Variants in ERC1 observed in about 807,000 individuals in gnomAD.
ERC1 encodes the protein RAB6 interacting protein 2.
Under a neutral mutation model 132.0 loss-of-function variants are expected in ERC1, and 56 were observed. The observed-to-expected ratio is 0.42, with a 90% CI of 0.34 to 0.53. The LOEUF is 0.53. Ranked by LOEUF, ERC1 falls within the 20% of genes least tolerant of loss-of-function variation. The pLI, the probability that ERC1 is intolerant of heterozygous loss-of-function variation, is 0.03. For missense variants in ERC1, 1,202 were observed against 1,349.9 expected (o/e 0.89, Z 1.72); for synonymous variants, 478 against 476.1 (o/e 1.00, Z -0.05).
intron 18 of ERC1, among the ~76,000 whole-genome samples, chr12:1,469,296 C>A (rs778379501): frequency 6.6e-6 from 1 of 152,210 alleles, no homozygotes; most frequent in Non-Finnish European, 1.5e-5. Flanking sequence ...GCATTGGGAT[C>A]GTTGGAAAGT....
At chr12:1,282,320 A>G (rs1594759422) in intron 14 of ERC1, among the ~76,000 whole-genome samples, 2 of 152,198 alleles carry the variant, frequency 1.3e-5, no homozygotes, top group Non-Finnish European at 2.9e-5. Flanking sequence ...TTCTTTTGCC[A>G]TAAAAATGAG....
At chr12:1,417,435 C>CTT (rs748237380) in intron 17 of ERC1, among the ~76,000 whole-genome samples, 3 of 145,076 alleles carry the variant, frequency 2.1e-5, no homozygotes, top group African/African-American at 7.5e-5. Flanking sequence ...ACTGCTGCTG[C>CTT]TTTTTTTTTT....
chr12:1,399,389 A>G (rs955427176), intron 16 of ERC1, among the ~76,000 whole-genome samples: 1 of 152,222 alleles, frequency 6.6e-6, no homozygotes, highest in Non-Finnish European at 1.5e-5. Flanking sequence ...CATATTGTTT[A>G]GTAAATCACA....
At chr12:1,447,759 C>T (rs934511654) in intron 18 of ERC1, among the ~76,000 whole-genome samples, 77 of 152,106 alleles carry the variant, frequency 5.1e-4, no homozygotes, top group African/African-American at 1.8e-3. Flanking sequence ...AAGCAATTCT[C>T]GTGCCTCAGC....
chr12:1,144,629 T>C (rs1305545277), intron 8 of ERC1, among the ~76,000 whole-genome samples: 2 of 149,640 alleles, frequency 1.3e-5, no homozygotes, highest in Non-Finnish European at 3.0e-5. Flanking sequence ...TATATATATA[T>C]ATATACGTGT....
chr12:1,220,320 G>C (rs1404639149), intron 12 of ERC1, among the ~76,000 whole-genome samples: 1 of 152,076 alleles, frequency 6.6e-6, no homozygotes, highest in Non-Finnish European at 1.5e-5. Flanking sequence ...GTTGAGGGTG[G>C]GGACATTGTA....
At chr12:1,417,848 A>G (rs187793158) in intron 17 of ERC1, among the ~76,000 whole-genome samples, 1 of 152,314 alleles carries the variant, frequency 6.6e-6, no homozygotes, top group Admixed American at 6.5e-5. Flanking sequence ...AATAAAGAGT[A>G]AATGATGGAT....
At chr12:1,255,008 T>C (rs190232305) in intron 13 of ERC1, among the ~76,000 whole-genome samples, 1 of 151,940 alleles carries the variant, frequency 6.6e-6, no homozygotes, top group East Asian at 1.9e-4. Context: ...TTTTGTTACA[T>C]AGGTATACAT....
chr12:1,304,495 A>G (rs775562548), intron 15 of ERC1, among the ~76,000 whole-genome samples: 5 of 152,202 alleles, frequency 3.3e-5, no homozygotes, highest in Non-Finnish European at 7.3e-5. Flanking sequence ...AGGTTTAGAG[A>G]TAGTCTTTAA....
At chr12:1,444,934 T>C (rs2093263201) in intron 18 of ERC1, 184 bp downstream of exon 18, 1 of 329,218 alleles carries the variant, frequency 3.0e-6, no homozygotes, top group South Asian at 1.0e-4. Flanking sequence ...ATTCCATGTT[T>C]AGATTCAAGA....
At chr12:1,100,176 C>T (rs1321627889) in intron 3 of ERC1, among the ~76,000 whole-genome samples, 4 of 151,866 alleles carry the variant, frequency 2.6e-5, no homozygotes, top group Non-Finnish European at 5.9e-5. Flanking sequence ...CAGACTTCAA[C>T]AGTTAAGGGA....
At position 1,158,989 on chromosome 12, in the gene ERC1, C is replaced by T. The variant is rs979089360; in HGVS notation, c.1737+17202C>T. 6.6e-5 allele frequency among the ~76,000 whole-genome samples: 10 copies of T among 152,260 alleles called. 1 individual carries two copies. The highest frequency in any genetic ancestry group is 1.3e-4 in the Admixed American group (2 of 15,298). On this transcript the variant is annotated intron_variant, in intron 8 of 18. Transcript: ENST00000360905. ...ATTGTTGAAGTTCATTGGCATATCT[C>T]TCCTTGATAGTACTCCTTTTTATTC...
At chr12:1,453,607 A>G (rs1355231315) in intron 18 of ERC1, among the ~76,000 whole-genome samples, 1 of 152,244 alleles carries the variant, frequency 6.6e-6, no homozygotes, top group East Asian at 1.9e-4. Context: ...AGAGGATTCC[A>G]GAAGAAAGTT....
intron 12 of ERC1, among the ~76,000 whole-genome samples, chr12:1,233,915 A>G (rs1015291437): frequency 1.3e-5 from 2 of 152,210 alleles, no homozygotes; most frequent in African/African-American, 4.8e-5. Context: ...GGAAATTTGA[A>G]TATGGACTAT....
chr12:1,028,638 T>C (rs1031778175), intron 2 of ERC1, 66 bp downstream of exon 2: 24 of 1,301,938 alleles, frequency 1.8e-5, no homozygotes, highest in Non-Finnish European at 2.2e-5. Context: ...AGCCTTTTTT[T>C]CCCCTTTCCT....
At chr12:1,123,642 A>G (rs778524001) in intron 7 of ERC1, among the ~76,000 whole-genome samples, 14 of 152,228 alleles carry the variant, frequency 9.2e-5, no homozygotes, top group Non-Finnish European at 1.8e-4. Context: ...GATAAAAGAA[A>G]CAGTAGATCA....
intron 2 of ERC1, among the ~76,000 whole-genome samples, chr12:1,075,752 C>G (rs998976056): frequency 6.6e-6 from 1 of 151,982 alleles, no homozygotes; most frequent in Non-Finnish European, 1.5e-5. Context: ...AAGAAAATCA[C>G]AAGGAAGAGA....
At chr12:996,404 A>T (rs1461346093) in intron 1 of ERC1, among the ~76,000 whole-genome samples, 1 of 151,666 alleles carries the variant, frequency 6.6e-6, no homozygotes, top group Non-Finnish European at 1.5e-5. Flanking sequence ...ACCTGGCCTC[A>T]TTCTCCGGGT....
chr12:1,277,475 T>C (rs1166834442), intron 14 of ERC1, among the ~76,000 whole-genome samples: 2 of 152,232 alleles, frequency 1.3e-5, no homozygotes, highest in African/African-American at 4.8e-5. Context: ...TCATTTCATA[T>C]AGTGCTGTAA....
Sources: gnomAD v4.1 joint callset for allele counts (sites outside exome capture counted in the v4.1 genomes callset) on GRCh38, gnomAD v4.1.1 for gene constraint, MANE v1.5 for transcripts, NCBI Gene and HGNC (gene_info 2026-07-23, HGNC 2026-07-21) for gene names.